SLC28A3: variants seen among roughly 807,000 people sequenced by gnomAD.
The protein encoded by SLC28A3 is concentrative Na(+)-nucleoside cotransporter 3.
A neutral mutation model predicts 84.2 loss-of-function variants in SLC28A3; 68 were observed. That is an observed-to-expected ratio of 0.81 (90% CI 0.66 to 0.99). The LOEUF is 0.99. SLC28A3 is among the 50% of genes least tolerant of loss of function. The pLI is 0.00. For missense variants in SLC28A3, 712 were observed against 841.5 expected, an observed-to-expected ratio of 0.85 and a Z score of 1.90; for synonymous variants, 267 against 303.6, an observed-to-expected ratio of 0.88 and a Z score of 1.25.
At position 84,278,018 on chromosome 9, in the gene SLC28A3, A is replaced by C; in HGVS notation, c.*200T>G. 1 of 598,082 alleles carries C rather than the reference A, an allele frequency of 1.7e-6. No individual in the cohort carries two copies. Among genetic ancestry groups the C allele is most frequent in the Non-Finnish European group, 2.8e-6 (1 of 356,914 alleles). 37.0% of individuals were successfully genotyped at this position (598,082 alleles called of 1,614,324 possible). ...GACATCATAGCAGTTCTTGGTGGGG[A>C]AGGGGCTGGTGGGGAGGGAGGGGAG... On this transcript the variant is annotated 3_prime_UTR_variant, in exon 18 of 18. Transcript: ENST00000376238.
chr9:84,359,020 T>C, the SLC28A3 span, among the ~76,000 whole-genome samples: 1 of 152,124 alleles, frequency 6.6e-6, no homozygotes, highest in African/African-American at 2.4e-5. Context: ...GCCAGGCTGG[T>C]CTCGAACTCC....
chr9:84,281,325 C>T (rs1330965945), intron 14 of SLC28A3, among the ~76,000 whole-genome samples: 2 of 152,164 alleles, frequency 1.3e-5, no homozygotes, highest in Non-Finnish European at 2.9e-5. Flanking sequence ...AGATGACCAA[C>T]AGCCAAGGAA....
Position 84,294,209 on chromosome 9 carries a change from A to G in SLC28A3, c.928T>C (p.Trp310Arg), listed in dbSNP as rs761475649. Residue 310 changes from tryptophan (W) to arginine (R), a missense_variant, in exon 9 of 18, where the codon TGG becomes CGG. Coordinates refer to ENST00000376238, the MANE Select transcript of SLC28A3 (RefSeq NM_001199633.2). ...SMLYYLGLMQ[W>R]IIRKVGWIML... ...AGCCCCAGTACCTTTCTAATAATCC[A>G]CTGCATCAGTCCCAGGTAGTACAGC... 12 of 1,613,892 alleles carry G rather than the reference A, an allele frequency of 7.4e-6. No homozygotes were observed. The African/African-American group carries it at 1.5e-4, about 20-fold the overall frequency.
At position 84,298,021 on chromosome 9, in the gene SLC28A3, T is replaced by G; in HGVS notation, c.670-2A>C. The G allele has an allele frequency of 6.2e-7, 1 of 1,605,058 alleles. No individual in the cohort carries two copies. The highest frequency in any genetic ancestry group is 8.5e-7 in the Non-Finnish European group (1 of 1,177,104). On this transcript the variant is annotated splice_acceptor_variant, in intron 6 of 17. Transcript: ENST00000376238. LOFTEE classifies it high-confidence loss of function. ...CCATAAGACAGGTCTCCAGTAAACC[T>G]ATACAGAAAGATCAAGTGATATGTC... is the stretch of plus-strand genomic sequence containing the variant.
chr9:84,303,382 G>A (rs1214146093), intron 4 of SLC28A3, among the ~76,000 whole-genome samples: 1 of 152,164 alleles, frequency 6.6e-6, no homozygotes, highest in Admixed American at 6.5e-5. Context: ...GTGCAATGGT[G>A]CGATCTCGGC....
At chr9:84,299,929 A>T (rs1349670440) in intron 5 of SLC28A3, among the ~76,000 whole-genome samples, 1 of 151,908 alleles carries the variant, frequency 6.6e-6, no homozygotes, top group African/African-American at 2.4e-5. Context: ...AGTAGCTGGG[A>T]TTATAGGCAT....
intron 10 of SLC28A3, 70 bp downstream of exon 10, chr9:84,292,594 TTTTC>T: frequency 1.6e-6 from 2 of 1,242,126 alleles, no homozygotes; most frequent in Non-Finnish European, 2.3e-6. Context: ...CATTGTGTTA[TTTTC>T]TTATTTGGCT....
At chr9:84,287,881 GAAATA>G (rs778673938) in intron 12 of SLC28A3, among the ~76,000 whole-genome samples, 162 bp downstream of exon 12, 3 of 152,144 alleles carry the variant, frequency 2.0e-5, no homozygotes, top group Non-Finnish European at 4.4e-5. Flanking sequence ...TCAAAAAAAG[GAAATA>G]AAATAAGACT....
chr9:84,348,157 A>G, the SLC28A3 span, among the ~76,000 whole-genome samples: 1 of 152,102 alleles, frequency 6.6e-6, no homozygotes, highest in East Asian at 1.9e-4. Context: ...AGAATAATCT[A>G]TGGGCTTGTT....
chr9:84,330,740 T>C (rs542145418), intron 1 of SLC28A3, among the ~76,000 whole-genome samples: 5 of 152,224 alleles, frequency 3.3e-5, no homozygotes, highest in Non-Finnish European at 7.3e-5. Flanking sequence ...GCACTGGATG[T>C]TCAAAGACTT....
chr9:84,292,254 G>A (rs1825253602), intron 10 of SLC28A3, among the ~76,000 whole-genome samples: 1 of 152,160 alleles, frequency 6.6e-6, no homozygotes, highest in African/African-American at 2.4e-5. Flanking sequence ...CCATTCAAGT[G>A]GAAGAGCTAC....
chr9:84,311,078 A>G (rs912016277), intron 2 of SLC28A3, among the ~76,000 whole-genome samples: 1 of 151,956 alleles, frequency 6.6e-6, no homozygotes, highest in Admixed American at 6.6e-5. Context: ...CGCTGGAGAG[A>G]GTTGTGTTTA....
Position 84,292,463 on chromosome 9 carries a change from G to GTC in SLC28A3, c.1023+203_1023+204dup, listed in dbSNP as rs539592818. Reference sequence around the variant, plus strand: ...TCTCTCTGTGTCTCTCTGTCTCTCTGTCTCTCTCTCTGTCTCTCTCTCTCT... The same window carrying GTC: ...TCTCTCTGTGTCTCTCTGTCTCTCTGTCTCTCTCTCTCTGTCTCTCTCTCTCT... On this transcript the variant is annotated intron_variant, in intron 10 of 17. Transcript: ENST00000376238. The GTC allele has an allele frequency of 3.7e-3, 1,838 of 498,720 alleles. 1 individual carries two copies. The highest frequency in any genetic ancestry group is 0.011 in the South Asian group (390 of 36,118). 30.9% of individuals were successfully genotyped at this position (498,720 alleles called of 1,614,324 possible). A position where few individuals can be genotyped will look rare whatever the true frequency, so the allele number is the denominator to read the frequency against.
intron 1 of SLC28A3, among the ~76,000 whole-genome samples, chr9:84,333,380 T>C (rs4448361): frequency 0.74 from 113,195 of 152,038 alleles, 42,348 homozygotes; most frequent in East Asian, 0.83. Flanking sequence ...AAGGGGGAGA[T>C]AGGTATGCGT....
the SLC28A3 span, among the ~76,000 whole-genome samples, chr9:84,358,164 A>C: frequency 6.6e-6 from 1 of 152,182 alleles, no homozygotes; most frequent in Non-Finnish European, 1.5e-5. Flanking sequence ...GGAAGGCACC[A>C]GGTTCAGAGG....
chr9:84,338,966 G>A (rs1827069694), intron 1 of SLC28A3, among the ~76,000 whole-genome samples: 1 of 152,058 alleles, frequency 6.6e-6, no homozygotes, highest in Admixed American at 6.6e-5. Context: ...CCTTGCACAG[G>A]TGTCCCGCTT....
At chr9:84,284,875 AC>A (rs1824915264) in intron 14 of SLC28A3, among the ~76,000 whole-genome samples, 2 of 152,178 alleles carry the variant, frequency 1.3e-5, no homozygotes, top group Admixed American at 1.3e-4. Flanking sequence ...CAGGCATGTT[AC>A]TTTTGGACAG....
rs924156361 is a variant in SLC28A3, at chr9:84,284,544, C to T, written c.1647+801G>A. On this transcript the variant is annotated intron_variant, in intron 14 of 17. Transcript: ENST00000376238. ...TTTTAAACCAAATACATGCCTGGAA[C>T]ATTAATTCCAAATGGATTGTTTCAA... 2.6e-5 allele frequency among the ~76,000 whole-genome samples: 4 copies of T among 152,190 alleles called. No homozygotes were observed. In the East Asian group the frequency reaches 7.7e-4, roughly 29 times the overall value.
At chr9:84,283,519 G>A (rs1451653349) in intron 14 of SLC28A3, among the ~76,000 whole-genome samples, 1 of 152,230 alleles carries the variant, frequency 6.6e-6, no homozygotes, top group Non-Finnish European at 1.5e-5. Flanking sequence ...GTGAGTATAC[G>A]TTCCAGGGAG....
Sources: gnomAD v4.1 joint callset for allele counts (sites outside exome capture counted in the v4.1 genomes callset) on GRCh38, gnomAD v4.1.1 for gene constraint, MANE v1.5 for transcripts, NCBI Gene and HGNC (gene_info 2026-07-23, HGNC 2026-07-21) for gene names.